The following KLHDC10 variants were observed in gnomAD, a reference collection of about 807,000 sequenced individuals.
KLHDC10 encodes kelch domain containing 10.
Under a neutral mutation model 56.1 loss-of-function variants are expected in KLHDC10, and 24 were observed. The observed-to-expected ratio is 0.43, with a 90% CI of 0.31 to 0.60. The LOEUF (loss-of-function observed/expected upper bound fraction) is 0.60, where lower values mean the gene tolerates loss of function less well. Ranked by LOEUF, KLHDC10 falls within the 20% of genes least tolerant of loss-of-function variation. The pLI, the probability that KLHDC10 is intolerant of heterozygous loss-of-function variation, is 0.11. For missense variants in KLHDC10, 349 were observed against 567.0 expected, an observed-to-expected ratio of 0.62 and a Z score of 3.91; for synonymous variants, 188 against 207.1, an observed-to-expected ratio of 0.91 and a Z score of 0.79.
At chr7:130,099,449 TA>T (rs1049043299) in intron 2 of KLHDC10, among the ~76,000 whole-genome samples, 1 of 152,186 alleles carries the variant, frequency 6.6e-6, no homozygotes, top group African/African-American at 2.4e-5. Flanking sequence ...GGTAGCATGC[TA>T]TGGGAGCACA....
At chr7:130,074,737 T>C (rs1466513573) in intron 1 of KLHDC10, among the ~76,000 whole-genome samples, 6 of 151,718 alleles carry the variant, frequency 4.0e-5, no homozygotes, top group Admixed American at 3.9e-4. Flanking sequence ...TGCCTCAGCC[T>C]CCTGAGTAGT....
chr7:130,070,727 C>CG lies in KLHDC10; in HGVS notation c.89dup (p.Ser31GlnfsTer27). On this transcript the variant is annotated frameshift_variant, in exon 1 of 10. Coordinates refer to ENST00000335420, the MANE Select transcript of KLHDC10 (RefSeq NM_014997.4). LOFTEE classifies it high-confidence loss of function. ...CTGGTGGCGGAGGTAGCGGGGCCGG[C>CG]GGGGGCAGTGGGGGCAGCGGGGGTC... The CG allele has an allele frequency of 1.8e-6, 1 of 543,680 alleles. No individual in the cohort carries two copies. Among genetic ancestry groups the CG allele is most frequent in the Non-Finnish European group, 2.7e-6 (1 of 366,250 alleles). The allele number at this position is 543,680 out of a possible 1,614,324, so 33.7% of individuals were successfully genotyped here. A position where few individuals can be genotyped will look rare whatever the true frequency, so the allele number is the denominator to read the frequency against.
chr7:130,123,634 GGAA>G (rs1796279853), intron 5 of KLHDC10, among the ~76,000 whole-genome samples: 1 of 152,152 alleles, frequency 6.6e-6, no homozygotes, highest in Admixed American at 6.5e-5. Flanking sequence ...TAGGTGCTAA[GGAA>G]GAATTTATCT....
intron 1 of KLHDC10, among the ~76,000 whole-genome samples, chr7:130,094,010 G>A (rs1318207864): frequency 2.6e-5 from 4 of 152,040 alleles, no homozygotes; most frequent in African/African-American, 9.7e-5. Flanking sequence ...TGCAACCTCC[G>A]CCTCTTGGGT....
chr7:130,122,223 C>A (rs1409112115), intron 5 of KLHDC10, 21 bp downstream of exon 5: 1 of 1,609,326 alleles, frequency 6.2e-7, no homozygotes, highest in Non-Finnish European at 8.5e-7. Context: ...AGGATTCAAG[C>A]ATATTTATTC....
chr7:130,091,117 G>C (rs1450238101), intron 1 of KLHDC10, among the ~76,000 whole-genome samples: 1 of 151,942 alleles, frequency 6.6e-6, no homozygotes, highest in Non-Finnish European at 1.5e-5. Context: ...CCATGTTTTG[G>C]CTATTGTGAA....
At chr7:130,125,969 C>T in intron 7 of KLHDC10, 38 bp downstream of exon 7, 1 of 1,367,182 alleles carries the variant, frequency 7.3e-7, no homozygotes, top group Non-Finnish European at 1.0e-6. Flanking sequence ...CTTTAACAAA[C>T]ATGTATTATA....
At position 130,106,103 on chromosome 7, in the gene KLHDC10, G is replaced by A. The variant is rs182006268; in HGVS notation, c.253+9096G>A. Among the ~76,000 whole-genome samples, 838 of 152,228 alleles carry A rather than the reference G, an allele frequency of 5.5e-3. 4 individuals carry two copies. The highest frequency in any genetic ancestry group is 0.034 in the Middle Eastern group (10 of 294). ...GGCGGAGGCAGTGAGCCAAGATCAC[G>A]CCGTTGCACTCCAGCCTGGGCAACA... On this transcript the variant is annotated intron_variant, in intron 2 of 9. Transcript: ENST00000335420.
chr7:130,117,869 A>G lies in KLHDC10; in HGVS notation c.475+1203A>G, dbSNP rs547324776. Among the ~76,000 whole-genome samples, 605 of 148,426 alleles carry G rather than the reference A, an allele frequency of 4.1e-3. 7 individuals carry two copies. Among genetic ancestry groups the G allele is most frequent in the African/African-American group, 0.01 (402 of 40,106 alleles). On this transcript the variant is annotated intron_variant, in intron 3 of 9. Transcript: ENST00000335420. ...TGTCTCAAAAAAAAAAAAAAAAAAAAAAAAAGAAAAAGAGGCCGGGCATGG... is the reference window on the plus strand; with the variant it reads ...TGTCTCAAAAAAAAAAAAAAAAAAAGAAAAAGAAAAAGAGGCCGGGCATGG...
Position 130,116,358 on chromosome 7 carries a change from T to G in KLHDC10, c.254-87T>G, listed in dbSNP as rs1027989323. 9.3e-6 allele frequency: 9 copies of G among 966,318 alleles called. No individual in the cohort carries two copies. The highest frequency in any genetic ancestry group is 1.4e-5 in the Non-Finnish European group (9 of 624,488). 59.9% of individuals were successfully genotyped at this position (966,318 alleles called of 1,614,324 possible). A position where few individuals can be genotyped will look rare whatever the true frequency, so the allele number is the denominator to read the frequency against. ...TGTTATAAATCCTTCCTGGTCCCCT[T>G]TTATGGCTAAAATGGTTGTTACCTA... is the stretch of plus-strand genomic sequence containing the variant. On this transcript the variant is annotated intron_variant, in intron 2 of 9. Transcript: ENST00000335420. The surrounding 1 kb of genome is among the most constrained non-coding windows in gnomAD (Gnocchi z 4.8).
intron 1 of KLHDC10, among the ~76,000 whole-genome samples, chr7:130,095,431 T>C (rs1392146419): frequency 6.6e-6 from 1 of 152,206 alleles, no homozygotes; most frequent in Non-Finnish European, 1.5e-5. Flanking sequence ...GAAAAACTTA[T>C]TGCCTTGTCC....
chr7:130,134,764 T>C lies in KLHDC10; in HGVS notation c.*4018T>C, dbSNP rs1247855011. ...TGTATTATTTTTTATTTTTCTGGCA[T>C]TGAGCTCTAGGGTGGATGAGGGTTT... On this transcript the variant is annotated 3_prime_UTR_variant, in exon 10 of 10. Coordinates refer to ENST00000335420, the MANE Select transcript of KLHDC10 (RefSeq NM_014997.4). The C allele has an allele frequency of 1.3e-5, 2 of 152,194 alleles. No individual in the cohort carries two copies. The highest frequency in any genetic ancestry group is 4.8e-5 in the African/African-American group (2 of 41,436). The allele number at this position is 152,194 out of a possible 1,614,324, so 9.4% of individuals were successfully genotyped here.
At chr7:130,125,842 A>G (rs766651966) in intron 6 of KLHDC10, 23 bp from the exon 7 acceptor site, 3 of 1,558,890 alleles carry the variant, frequency 1.9e-6, no homozygotes, top group Non-Finnish European at 2.6e-6. Flanking sequence ...ATGTATGTGT[A>G]TATGTTCTTT....
At chr7:130,090,162 A>T (rs888960754) in intron 1 of KLHDC10, among the ~76,000 whole-genome samples, 2 of 152,140 alleles carry the variant, frequency 1.3e-5, no homozygotes, top group African/African-American at 4.8e-5. Flanking sequence ...TTAAATATTC[A>T]TAATTGTTTT....
chr7:130,129,832 G>T (rs1445681011), intron 9 of KLHDC10, among the ~76,000 whole-genome samples: 1 of 152,114 alleles, frequency 6.6e-6, no homozygotes, highest in Non-Finnish European at 1.5e-5. Flanking sequence ...GATGTCAAAG[G>T]TGTTTCCTGG....
chr7:130,096,087 T>G (rs1006669111), intron 1 of KLHDC10, among the ~76,000 whole-genome samples: 1 of 152,170 alleles, frequency 6.6e-6, no homozygotes, highest in Non-Finnish European at 1.5e-5. Context: ...ATAAAATGAT[T>G]GTTGAATCAA....
intron 1 of KLHDC10, among the ~76,000 whole-genome samples, chr7:130,096,389 T>C (rs1055685738): frequency 6.6e-6 from 1 of 152,160 alleles, no homozygotes; most frequent in Non-Finnish European, 1.5e-5. Context: ...TGCCAAGATA[T>C]TAAATGTTTG....
intron 8 of KLHDC10, among the ~76,000 whole-genome samples, chr7:130,127,901 A>G (rs752501769): frequency 1.7e-4 from 26 of 152,346 alleles, no homozygotes; most frequent in Non-Finnish European, 2.4e-4. Context: ...TTCTTTGGCC[A>G]TATTACAACA....
chr7:130,118,806 T>C (rs1796206494), intron 3 of KLHDC10, among the ~76,000 whole-genome samples: 1 of 152,180 alleles, frequency 6.6e-6, no homozygotes, highest in South Asian at 2.1e-4. Flanking sequence ...GGGAAAAAGA[T>C]GAGGGAATGG....
Sources: allele counts gnomAD v4.1 joint callset (sites outside exome capture counted in the v4.1 genomes callset), GRCh38; gene constraint gnomAD v4.1.1; non-coding constraint Gnocchi (gnomAD v3.1); transcripts MANE v1.5; gene names NCBI Gene and HGNC (gene_info 2026-07-23, HGNC 2026-07-21).